Variants in MEF2A observed in about 807,000 individuals in gnomAD.
The protein encoded by MEF2A is myocyte-specific enhancer factor 2A.
A neutral mutation model predicts 55.8 loss-of-function variants in MEF2A; 28 were observed. That is an observed-to-expected ratio of 0.50 (90% confidence interval 0.37 to 0.69). The LOEUF is 0.69. Among genes scored for constraint, MEF2A ranks in the 30% least tolerant of loss-of-function variants. The pLI is 0.00. For missense variants in MEF2A, 528 were observed against 626.2 expected (o/e 0.84, Z 1.67); for synonymous variants, 239 against 227.1 (o/e 1.05, Z -0.47).
chr15:99,618,960 G>A (rs527477975), intron 2 of MEF2A, among the ~76,000 whole-genome samples: 1 of 152,190 alleles, frequency 6.6e-6, no homozygotes, highest in East Asian at 1.9e-4. Context: ...TGAAAGGATA[G>A]GTATACTGGA....
At chr15:99,630,275 T>A (rs2042745411) in intron 2 of MEF2A, among the ~76,000 whole-genome samples, 2 of 152,158 alleles carry the variant, frequency 1.3e-5, no homozygotes, top group South Asian at 4.1e-4. Context: ...CTCATTCTTT[T>A]CTATATTTCT....
chr15:99,654,625 A>G (rs1447249212), intron 4 of MEF2A, among the ~76,000 whole-genome samples: 1 of 152,002 alleles, frequency 6.6e-6, no homozygotes, highest in East Asian at 1.9e-4. Context: ...TTCCAGCAGC[A>G]TGGTAGAGAT....
chr15:99,670,773 ATAAT>A (rs1326521151), intron 4 of MEF2A, among the ~76,000 whole-genome samples: 1 of 152,248 alleles, frequency 6.6e-6, no homozygotes, highest in Admixed American at 6.5e-5. Context: ...GCAGACATAA[ATAAT>A]TATCAAGTTT....
chr15:99,660,478 G>C (rs78350132), intron 4 of MEF2A, among the ~76,000 whole-genome samples: 14,158 of 152,092 alleles, frequency 0.093, 882 homozygotes, highest in East Asian at 0.24. Context: ...CATAATCTTC[G>C]TACTCTTTCT....
chr15:99,679,572 A>G (rs1298143559), intron 7 of MEF2A, among the ~76,000 whole-genome samples: 1 of 152,184 alleles, frequency 6.6e-6, no homozygotes, highest in Non-Finnish European at 1.5e-5. Context: ...CCAAGAAATT[A>G]CTGTAAAATT....
intron 7 of MEF2A, among the ~76,000 whole-genome samples, chr15:99,685,836 G>A (rs942709471): frequency 1.3e-5 from 2 of 152,086 alleles, no homozygotes; most frequent in Non-Finnish European, 1.5e-5. Flanking sequence ...GAATGATTTA[G>A]GAAGGATTCT....
intron 1 of MEF2A, among the ~76,000 whole-genome samples, chr15:99,574,797 C>T (rs749884328): frequency 3.9e-5 from 6 of 152,116 alleles, no homozygotes; most frequent in South Asian, 4.1e-4. Flanking sequence ...TCTATGGCCC[C>T]GGGGTGGGGA....
chr15:99,709,465 G>A (rs325405), intron 10 of MEF2A, among the ~76,000 whole-genome samples: 56,617 of 152,162 alleles, frequency 0.37, 12,104 homozygotes, highest in Middle Eastern at 0.53. Flanking sequence ...GGAGCACTGG[G>A]GAAGGCGTCA....
chr15:99,620,482 C>G (rs116810249), intron 2 of MEF2A, among the ~76,000 whole-genome samples: 119 of 152,266 alleles, frequency 7.8e-4, no homozygotes, highest in African/African-American at 2.7e-3. Flanking sequence ...GAATGATGGC[C>G]TCCAGCTGCC....
At position 99,609,523 on chromosome 15, in the gene MEF2A, C is replaced by T. The variant is rs538381196; in HGVS notation, c.-143+11012C>T. Among the ~76,000 whole-genome samples, 31 of 152,038 alleles carry T rather than the reference C, an allele frequency of 2.0e-4. No individual in the cohort carries two copies. The East Asian group carries it at 3.5e-3, about 17-fold the overall frequency. ...CTTTATGGCTGTGATTGTGTTTGTACGACATAATGTTGTATTTTAAAAACA... is the reference window on the plus strand; with the variant it reads ...CTTTATGGCTGTGATTGTGTTTGTATGACATAATGTTGTATTTTAAAAACA... On this transcript the variant is annotated intron_variant, in intron 2 of 11. Transcript: ENST00000557942.
chr15:99,574,694 C>T (rs189510432), intron 1 of MEF2A, among the ~76,000 whole-genome samples: 47 of 152,230 alleles, frequency 3.1e-4, no homozygotes, highest in African/African-American at 1.0e-3. Context: ...CGACGGGGAG[C>T]GGCTGTAAAT....
At chr15:99,682,715 CT>C (rs2153684454) in intron 7 of MEF2A, among the ~76,000 whole-genome samples, 1 of 152,326 alleles carries the variant, frequency 6.6e-6, no homozygotes, top group African/African-American at 2.4e-5. Flanking sequence ...CCCTCTTACT[CT>C]TGAAATTTGG....
intron 7 of MEF2A, among the ~76,000 whole-genome samples, chr15:99,675,994 C>T (rs756803928): frequency 6.6e-5 from 10 of 151,056 alleles, no homozygotes; most frequent in Admixed American, 2.0e-4. Context: ...GAGCTGAGAT[C>T]GCATCACTGC....
chr15:99,572,516 A>C (rs1214343522), intron 1 of MEF2A, among the ~76,000 whole-genome samples: 2 of 129,930 alleles, frequency 1.5e-5, no homozygotes, highest in African/African-American at 4.9e-5. Flanking sequence ...CTGAATGTAA[A>C]CTCCATAAAG....
intron 5 of MEF2A, among the ~76,000 whole-genome samples, chr15:99,674,154 G>T (rs902753039): frequency 2.6e-5 from 4 of 152,068 alleles, no homozygotes; most frequent in Admixed American, 1.3e-4. Context: ...TTGAAATATA[G>T]AATATAGACA....
At chr15:99,647,452 T>G (rs1486391885) in intron 4 of MEF2A, among the ~76,000 whole-genome samples, 1 of 152,204 alleles carries the variant, frequency 6.6e-6, no homozygotes, top group Non-Finnish European at 1.5e-5. Flanking sequence ...ACACTGCTCT[T>G]TCATTGCAGC....
chr15:99,701,354 A>G (rs1331715306), intron 8 of MEF2A, among the ~76,000 whole-genome samples: 1 of 152,234 alleles, frequency 6.6e-6, no homozygotes, highest in East Asian at 1.9e-4. Context: ...GACATTCTAT[A>G]AGATAACTGA....
intron 1 of MEF2A, among the ~76,000 whole-genome samples, chr15:99,591,403 T>A (rs973247336): frequency 6.6e-6 from 1 of 152,190 alleles, no homozygotes; most frequent in Non-Finnish European, 1.5e-5. Context: ...GTCTGGTAAT[T>A]ATTATCTTTG....
intron 1 of MEF2A, among the ~76,000 whole-genome samples, chr15:99,596,820 G>A (rs1401323429): frequency 1.3e-5 from 2 of 152,212 alleles, no homozygotes; most frequent in African/African-American, 2.4e-5. Context: ...CCATTGAGCA[G>A]TGTTCACTAG....
Sources: allele counts gnomAD v4.1 joint callset (sites outside exome capture counted in the v4.1 genomes callset), GRCh38; gene constraint gnomAD v4.1.1; transcripts MANE v1.5; gene names NCBI Gene and HGNC (gene_info 2026-07-23, HGNC 2026-07-21).